The following PFAS variants were observed in gnomAD, a reference collection of about 807,000 sequenced individuals.
PFAS encodes the protein FGAM synthase.
A neutral mutation model predicts 140.6 loss-of-function variants in PFAS; 97 were observed. The ratio of observed to expected loss-of-function variants is 0.69; its 90% CI spans 0.59 to 0.82. The LOEUF (loss-of-function observed/expected upper bound fraction) is 0.82. Ranked by LOEUF, PFAS falls within the 40% of genes least tolerant of loss-of-function variation. The probability of loss-of-function intolerance (pLI) is 0.00; values close to 1 mark genes in which losing one functional copy is unlikely to be tolerated. For missense variants in PFAS, 1,656 were observed against 1,780.2 expected, an observed-to-expected ratio of 0.93 and a Z score of 1.26; for synonymous variants, 679 against 718.8, an observed-to-expected ratio of 0.94 and a Z score of 0.88.
chr17:8,255,175 A>G (rs1989310960), intron 4 of PFAS, 43 bp downstream of exon 4: 1 of 1,370,652 alleles, frequency 7.3e-7, no homozygotes, highest in Admixed American at 1.7e-5. Context: ...AGCCAGAGAT[A>G]CAAGATTAGA....
At chr17:8,252,605 C>T (rs754787739) in intron 1 of PFAS, among the ~76,000 whole-genome samples, 2 of 150,840 alleles carry the variant, frequency 1.3e-5, no homozygotes, top group Non-Finnish European at 3.0e-5. Flanking sequence ...GAGGTTTCAC[C>T]ATGTTGGTCA....
rs541661296 is a variant in PFAS at position 8,262,993 on chromosome 17, G to C, written c.1410G>C (p.Gln470His). The C allele has an allele frequency of 2.5e-6, 4 of 1,613,646 alleles. No individual in the cohort carries two copies. The highest frequency in any genetic ancestry group is 1.6e-4 in the Middle Eastern group (1 of 6,082). Residue 470 changes from glutamine (Q) to histidine (H), a missense_variant and splice_region_variant, in exon 12 of 28, where the codon CAG (glutamine) becomes CAC (histidine). Coordinates refer to ENST00000314666, the MANE Select transcript of PFAS (RefSeq NM_012393.3). ...GAGGTGGAGCTGCTTCATCTGTGCA[G>C]GTGAGTGGGAATTGCTAAAGGTGCA... ...GVGGGAASSV[Q>H]VQGDNTSDLD...
upstream of PFAS, chr17:8,248,170 C>G (rs549151302): frequency 3.5e-4 from 253 of 712,864 alleles, 1 homozygote; most frequent in Non-Finnish European, 5.4e-4. Flanking sequence ...CTGCTCACCC[C>G]CTCGCTTCCT....
chr17:8,262,417 G>A (rs901713313), intron 11 of PFAS: 16 of 159,064 alleles, frequency 1.0e-4, no homozygotes, highest in South Asian at 1.8e-4. Flanking sequence ...CAGAGACTGT[G>A]TGCATTTGTC....
intron 1 of PFAS, among the ~76,000 whole-genome samples, chr17:8,251,232 G>GCC (rs1989137778): frequency 6.6e-6 from 1 of 152,122 alleles, no homozygotes; most frequent in South Asian, 2.1e-4. Context: ...GTTGCAGTGA[G>GCC]CCGAGATCGT....
chr17:8,256,314 G>A lies in PFAS; in HGVS notation c.728G>A (p.Gly243Glu). Residue 243 changes from glycine (G) to glutamate (E), a missense_variant, in exon 7 of 28, where the codon GGG becomes GAG. This residue lies in a region of PFAS where 773 missense variants were observed against 757.3 expected (regional missense o/e 1.02). Transcript: ENST00000314666. ...TTCAAGGGCCAGCTCCACGTGGATG[G>A]GCAGAAGCTGGTGCACTCACTGTTT... ...WFFKGQLHVD[G>E]QKLVHSLFES... 6.2e-7 allele frequency: 1 copy of A among 1,613,994 alleles called. No individual in the cohort carries two copies. Among genetic ancestry groups the A allele is most frequent in the Non-Finnish European group, 8.5e-7 (1 of 1,179,984 alleles).
chr17:8,258,628 A>G (rs561895431), intron 11 of PFAS, among the ~76,000 whole-genome samples: 2 of 152,182 alleles, frequency 1.3e-5, no homozygotes, highest in East Asian at 3.9e-4. Context: ...ATCACCTGAG[A>G]TCAGGAGTTC....
chr17:8,249,285 T>C (rs960072313), upstream of PFAS: 2 of 152,086 alleles, frequency 1.3e-5, no homozygotes, highest in Non-Finnish European at 2.9e-5. Flanking sequence ...GCGGATGACG[T>C]AACAAACGCG....
chr17:8,253,579 G>A lies in PFAS; in HGVS notation c.-79-280G>A, dbSNP rs575156840. Among the ~76,000 whole-genome samples, 8 of 152,118 alleles carry A rather than the reference G, an allele frequency of 5.3e-5. No individual in the cohort carries two copies. In the East Asian group the frequency reaches 1.4e-3, roughly 26 times the overall value. On this transcript the variant is annotated intron_variant, in intron 1 of 27. Coordinates refer to ENST00000314666, the MANE Select transcript of PFAS (RefSeq NM_012393.3). The stretch of plus-strand genomic sequence containing the variant: ...ATTGAGACGGAGTTTTGCTCTTGTT[G>A]CCCAGGCTGGAGTGCAATGGCGCGA...
chr17:8,260,835 AG>A (rs1989562572), intron 11 of PFAS, among the ~76,000 whole-genome samples: 1 of 152,082 alleles, frequency 6.6e-6, no homozygotes, highest in African/African-American at 2.4e-5. Context: ...CGTGTTAGCC[AG>A]GGTGGTCTCT....
Position 8,266,726 on chromosome 17 carries a change from C to T in PFAS, c.2822-27C>T, listed in dbSNP as rs1356138328. 2 of 1,578,138 alleles carry T rather than the reference C, an allele frequency of 1.3e-6. No homozygotes were observed. Among genetic ancestry groups the T allele is most frequent in the African/African-American group, 2.7e-5 (2 of 74,084 alleles). On this transcript the variant is annotated intron_variant, in intron 22 of 27. Transcript: ENST00000314666. The surrounding 1 kb of genome is among the most constrained non-coding windows in gnomAD (Gnocchi z 5.0). Reference sequence around the variant, plus strand: ...AACTCCCTTGGCCCTTCTTGCATCCCCCTGACTCCCCACATTGCTCTCCCA... The same window carrying T: ...AACTCCCTTGGCCCTTCTTGCATCCTCCTGACTCCCCACATTGCTCTCCCA...
At position 8,255,521 on chromosome 17, in the gene PFAS, C is replaced by T. The variant is rs1305924299; in HGVS notation, c.404C>T (p.Ala135Val). The T allele has an allele frequency of 6.6e-7, 1 of 1,519,642 alleles. No individual in the cohort carries two copies. The highest frequency in any genetic ancestry group is 2.3e-5 in the Admixed American group (1 of 44,278). The allele number at this position is 1,519,642 out of a possible 1,614,324, so 94.1% of individuals were successfully genotyped here. A position where few individuals can be genotyped will look rare whatever the true frequency, so the allele number is the denominator to read the frequency against. Residue 135 changes from alanine (A) to valine (V), a missense_variant, in exon 5 of 28, where the codon GCT (alanine) becomes GTT (valine). Around this residue, in one of 2 missense-constraint regions of PFAS, gnomAD observed 773 missense variants for 757.3 expected, o/e 1.02. Transcript: ENST00000314666. ...YRLSFAHPPS[A>V]EVEAIALATL... ...CCCTAGTTTGCCCACCCCCCGTCAG[C>T]TGAGGTGGAAGCCATTGCTCTGGCT...
chr17:8,265,328 T>C lies in PFAS; in HGVS notation c.2321T>C (p.Leu774Pro). 1 of 1,614,104 alleles carries C rather than the reference T, an allele frequency of 6.2e-7. No homozygotes were observed. The highest frequency in any genetic ancestry group is 8.5e-7 in the Non-Finnish European group (1 of 1,180,018). ...GGGAACTGGATGTGGGCAGCCAAGC[T>C]CCCAGGGGAGGGCGCAGCTTTGGCG... is the stretch of plus-strand genomic sequence containing the variant. ...CSGNWMWAAK[L>P]PGEGAALADA... The change falls in exon 19 of 28, where the codon CTC becomes CCC. Residue 774 changes from leucine (L) to proline (P), a missense_variant. By Grantham distance (98) the Leu-to-Pro change is moderately conservative. Coordinates refer to ENST00000314666, the MANE Select transcript of PFAS (RefSeq NM_012393.3).
chr17:8,248,410 A>ATTTTTTTTTTTTATTTTT (rs1988965519), upstream of PFAS, among the ~76,000 whole-genome samples: 1 of 67,664 alleles, frequency 1.5e-5, no homozygotes, highest in Non-Finnish European at 2.8e-5. Flanking sequence ...CGCCCGGCTA[A>ATTTTTTTTTTTTATTTTT]TTTTTTTTTT....
chr17:8,266,561 C>A lies in PFAS; in HGVS notation c.2822-192C>A. 6.9e-7 allele frequency: 1 copy of A among 1,451,182 alleles called. No individual in the cohort carries two copies. Among genetic ancestry groups the A allele is most frequent in the African/African-American group, 1.4e-5 (1 of 70,152 alleles). 89.9% of individuals were successfully genotyped at this position (1,451,182 alleles called of 1,614,324 possible). ...TCCTGACTGCACCCCTCTGAGACTT[C>A]CCATCCCTGAGATGTCCATGATGAA... is the stretch of plus-strand genomic sequence containing the variant. On this transcript the variant is annotated intron_variant, in intron 22 of 27. Coordinates refer to ENST00000314666, the MANE Select transcript of PFAS (RefSeq NM_012393.3). This position sits in a 1 kb window ranked among gnomAD's most constrained non-coding sequence, Gnocchi z 5.0.
rs1374660436 is a variant in PFAS, at chr17:8,267,222, G to T, written c.3162G>T (p.Val1054=). The T allele has an allele frequency of 1.9e-6, 3 of 1,608,750 alleles. No homozygotes were observed. The Admixed American group carries it at 5.1e-5, about 27-fold the overall frequency. ...CCCCCACCTTTCCCAAAGCCTCCGT[G>T]CCCCGTGAGCCTGGTGAGGGAGTGT... The part of the protein sequence containing the change: ...CLPPTFPKAS[V]PREPGGPSPR... The change falls in exon 24 of 28, where the codon GTG becomes GTT. Residue 1054 remains valine, a synonymous_variant. Coordinates refer to ENST00000314666, the MANE Select transcript of PFAS (RefSeq NM_012393.3). This position sits in a 1 kb window ranked among gnomAD's most constrained non-coding sequence, Gnocchi z 4.9.
chr17:8,257,993 T>C (rs977185021), intron 10 of PFAS, 55 bp downstream of exon 10: 2 of 1,611,348 alleles, frequency 1.2e-6, no homozygotes, highest in African/African-American at 2.7e-5. Flanking sequence ...GTGGGTGGGG[T>C]GTGCGACCCA....
In PFAS at chr17:8,264,612, C is replaced by T. The variant is rs199936317; in HGVS notation, c.2049+11C>T. ...TACCTCACCAATAAGGTCCTCCCTG[C>T]ACCCTTCCTCTGCCCCCTGCCTCCT... On this transcript the variant is annotated intron_variant, in intron 17 of 27. Transcript: ENST00000314666. The T allele has an allele frequency of 4.6e-5, 74 of 1,593,344 alleles. 1 individual carries two copies. Among genetic ancestry groups the T allele is most frequent in the Middle Eastern group, 1.9e-4 (1 of 5,172 alleles).
At chr17:8,253,581 C>G (rs376131515) in intron 1 of PFAS, among the ~76,000 whole-genome samples, 7 of 152,012 alleles carry the variant, frequency 4.6e-5, no homozygotes, top group African/African-American at 1.4e-4. Context: ...CTCTTGTTGC[C>G]CAGGCTGGAG....
Sources: allele counts gnomAD v4.1 joint callset (sites outside exome capture counted in the v4.1 genomes callset), GRCh38; gene constraint gnomAD v4.1.1; regional missense constraint gnomAD v4.1.1; non-coding constraint Gnocchi (gnomAD v3.1); transcripts MANE v1.5; gene names NCBI Gene and HGNC (gene_info 2026-07-23, HGNC 2026-07-21).